The following CASK variants were observed in gnomAD, a reference collection of about 807,000 sequenced individuals.
CASK encodes the protein calcium/calmodulin dependent serine protein kinase, also known as peripheral plasma membrane protein CASK.
CASK carries 4 observed loss-of-function variants against 82.9 expected under a neutral mutation model. The observed-to-expected ratio is 0.05, with a 90% confidence interval of 0.02 to 0.11. The LOEUF is 0.11. CASK is among the 10% of genes least tolerant of loss of function. CASK has a pLI of 1.00. For synonymous variants in CASK, 259 were observed against 253.5 expected, an observed-to-expected ratio of 1.02 and a Z score of -0.20; for missense variants, 358 against 720.9, an observed-to-expected ratio of 0.50 and a Z score of 5.76.
chrX:41,866,003 CT>C (rs1400216803), intron 1 of CASK, among the ~76,000 whole-genome samples: 3 of 112,540 alleles, frequency 2.7e-5, no homozygotes, highest in Non-Finnish European at 1.9e-5. Context: ...TTACTGCTCC[CT>C]ACAGAAGAGA....
At chrX:41,556,538 T>C (rs2065161825) in intron 19 of CASK, among the ~76,000 whole-genome samples, 1 of 111,746 alleles carries the variant, frequency 8.9e-6, no homozygotes, top group Non-Finnish European at 1.9e-5. Flanking sequence ...TTCACAAAAA[T>C]ATGTGCACGT....
chrX:41,899,239 A>AT (rs776595300), intron 1 of CASK, among the ~76,000 whole-genome samples: 1 of 110,980 alleles, frequency 9.0e-6, no homozygotes, highest in Non-Finnish European at 1.9e-5. Flanking sequence ...AGCCACCTCT[A>AT]TTTCTTTTGG....
At chrX:41,716,441 G>A (rs1407561315) in intron 5 of CASK, among the ~76,000 whole-genome samples, 2 of 112,645 alleles carry the variant, frequency 1.8e-5, no homozygotes, top group Non-Finnish European at 3.8e-5. Context: ...AGATTTCTCC[G>A]CTTTTCTGAG....
chrX:41,758,467 A>G lies in CASK; in HGVS notation c.279-12866T>C, dbSNP rs776177339. On this transcript the variant is annotated intron_variant, in intron 3 of 26. Transcript: ENST00000378163. The stretch of plus-strand genomic sequence containing the variant: ...AAAAAAAAAAAGGAAAAAAAAAGAA[A>G]GTCTTCATGGAGTAGTCAGCCTCTG... Among the ~76,000 whole-genome samples the G allele has an allele frequency of 8.2e-5, 9 of 109,617 alleles. 1 individual carries two copies. In the South Asian group the frequency reaches 3.6e-3, roughly 43 times the overall value.
intron 5 of CASK, among the ~76,000 whole-genome samples, chrX:41,736,583 G>C (rs753318794): frequency 9.4e-4 from 106 of 112,498 alleles, no homozygotes; most frequent in African/African-American, 3.3e-3. Context: ...TCTGTGTTGA[G>C]TGTGTCTCCC....
intron 5 of CASK, among the ~76,000 whole-genome samples, chrX:41,715,100 A>G (rs1468358584): frequency 8.9e-6 from 1 of 112,679 alleles, no homozygotes; most frequent in African/African-American, 3.2e-5. Context: ...TGATCAAAGA[A>G]GGTAAGACCA....
intron 2 of CASK, among the ~76,000 whole-genome samples, chrX:41,791,277 A>G (rs988182054): frequency 9.1e-6 from 1 of 110,076 alleles, no homozygotes; most frequent in African/African-American, 3.3e-5. Context: ...ACTGTACCCA[A>G]TGTGTAGTCT....
intron 15 of CASK, among the ~76,000 whole-genome samples, chrX:41,577,537 C>T (rs1398430850): frequency 9.0e-6 from 1 of 111,689 alleles, no homozygotes; most frequent in Non-Finnish European, 1.9e-5. Context: ...ACATGTCTTC[C>T]AACACTTGTA....
At chrX:41,756,267 C>T (rs781403208) in intron 3 of CASK, among the ~76,000 whole-genome samples, 1 of 111,917 alleles carries the variant, frequency 8.9e-6, no homozygotes, top group South Asian at 3.7e-4. Flanking sequence ...CATAACCATA[C>T]ATACATAGAG....
chrX:41,825,274 C>T (rs904960392), intron 2 of CASK, among the ~76,000 whole-genome samples: 1 of 111,207 alleles, frequency 9.0e-6, no homozygotes, highest in Non-Finnish European at 1.9e-5. Flanking sequence ...GTTTCTGTCT[C>T]CTAACTGGAC....
At chrX:41,894,136 A>C (rs1270829603) in intron 1 of CASK, among the ~76,000 whole-genome samples, 2 of 111,603 alleles carry the variant, frequency 1.8e-5, no homozygotes, top group African/African-American at 6.5e-5. Context: ...AGGAAACTAT[A>C]CTTAAAGAAG....
At chrX:41,900,927 G>A (rs936137106) in intron 1 of CASK, among the ~76,000 whole-genome samples, 9 of 108,717 alleles carry the variant, frequency 8.3e-5, no homozygotes, top group African/African-American at 2.0e-4. Context: ...TGTATTTTTA[G>A]TAGAGATGAG....
chrX:41,823,362 GA>G (rs371360746), intron 2 of CASK, among the ~76,000 whole-genome samples: 1,469 of 96,215 alleles, frequency 0.015, 23 homozygotes, highest in African/African-American at 0.048. Context: ...GGCAAAAAAG[GA>G]AAAAAAAAAA....
chrX:41,833,079 CTTG>C (rs1027676829), intron 2 of CASK, among the ~76,000 whole-genome samples: 11 of 112,436 alleles, frequency 9.8e-5, no homozygotes, highest in Non-Finnish European at 2.1e-4. Flanking sequence ...ATGATTCAAA[CTTG>C]TTGTCACTTT....
chrX:41,776,366 G>A (rs1206332470), intron 3 of CASK, among the ~76,000 whole-genome samples: 1 of 112,404 alleles, frequency 8.9e-6, no homozygotes, highest in Non-Finnish European at 1.9e-5. Flanking sequence ...TGCATATGCA[G>A]AAAAAAGACA....
intron 5 of CASK, chrX:41,727,104 T>C: frequency 1.7e-6 from 2 of 1,176,853 alleles, no homozygotes; most frequent in Non-Finnish European, 2.3e-6. Context: ...TCCTCCTTTG[T>C]ATTGTTGGTG....
rs1287669545 is a variant in CASK, at chrX:41,617,442, TAG to T, written c.1033+5173_1033+5174del. Among the ~76,000 whole-genome samples, 3 of 112,577 alleles carry T rather than the reference TAG, an allele frequency of 2.7e-5. No homozygotes were observed. The Admixed American group carries it at 2.8e-4, about 11-fold the overall frequency. On this transcript the variant is annotated intron_variant, in intron 11 of 26. Transcript: ENST00000378163. The stretch of plus-strand genomic sequence containing the variant: ...AGTTTCTGTAATTAGGTAGAAAAAT[TAG>T]AGTTTTTATTCCATTTCTCCTTCAT...
At chrX:41,531,991 G>A (rs777834644) in intron 24 of CASK, among the ~76,000 whole-genome samples, 1 of 111,977 alleles carries the variant, frequency 8.9e-6, no homozygotes, top group Non-Finnish European at 1.9e-5. Context: ...CTGGAGTGCA[G>A]TGGTGCGATC....
At chrX:41,604,367 G>A (rs2065931745) in intron 12 of CASK, among the ~76,000 whole-genome samples, 1 of 101,083 alleles carries the variant, frequency 9.9e-6, no homozygotes, top group Admixed American at 1.1e-4. Context: ...GTCCTTCTAA[G>A]AAGGCCATGT....
Sources: allele counts gnomAD v4.1 joint callset (sites outside exome capture counted in the v4.1 genomes callset), GRCh38; gene constraint gnomAD v4.1.1; transcripts MANE v1.5; gene names NCBI Gene and HGNC (gene_info 2026-07-23, HGNC 2026-07-21).